XPO5: variants seen among roughly 807,000 people sequenced by gnomAD.
The protein encoded by XPO5 is exportin-5.
In XPO5, 46 loss-of-function variants were observed where a neutral mutation model predicts 160.6. The observed-to-expected ratio is 0.29, with a 90% confidence interval of 0.23 to 0.37. The LOEUF (loss-of-function observed/expected upper bound fraction) is 0.37, where lower values mean the gene tolerates loss of function less well. Among genes scored for constraint, XPO5 ranks in the 10% least tolerant of loss-of-function variants. The pLI, the probability that XPO5 is intolerant of heterozygous loss-of-function variation, is 1.00. For missense variants in XPO5, 1,090 were observed against 1,463.9 expected, an observed-to-expected ratio of 0.74 and a Z score of 4.17; for synonymous variants, 537 against 519.3, an observed-to-expected ratio of 1.03 and a Z score of -0.46.
intron 5 of XPO5, among the ~76,000 whole-genome samples, chr6:43,569,368 A>C (rs1762872581): frequency 6.6e-6 from 1 of 152,110 alleles, no homozygotes; most frequent in South Asian, 2.1e-4. Context: ...TATTCAGTGA[A>C]TATACAAATA....
intron 20 of XPO5, among the ~76,000 whole-genome samples, chr6:43,545,553 A>G (rs996668655): frequency 6.6e-6 from 1 of 152,048 alleles, no homozygotes; most frequent in African/African-American, 2.4e-5. Context: ...CTAAAAATAC[A>G]AAAATTAGCC....
intron 8 of XPO5, among the ~76,000 whole-genome samples, chr6:43,565,348 C>G (rs1352684069): frequency 6.6e-6 from 1 of 151,920 alleles, no homozygotes; most frequent in Non-Finnish European, 1.5e-5. Context: ...AGGTAGACCA[C>G]CTGAGGTCAA....
intron 20 of XPO5, chr6:43,544,399 T>C (rs1316477822): frequency 6.6e-6 from 1 of 152,216 alleles, no homozygotes; most frequent in Non-Finnish European, 1.5e-5. Context: ...TGACTAGAAA[T>C]TGAAAAGAGA....
chr6:43,530,801 C>G lies in XPO5; in HGVS notation c.2564G>C (p.Gly855Ala). Residue 855 changes from glycine (G) to alanine (A), a missense_variant, in exon 23 of 32, where the codon GGC becomes GCC. Gly to Ala is a moderately conservative substitution (Grantham distance 60). Transcript: ENST00000265351. ...ENCFHILGKAGPSMQQDFYTV... is the reference protein window; with the variant it reads ...ENCFHILGKAAPSMQQDFYTV... The stretch of plus-strand genomic sequence containing the variant: ...ATAGAAGTCTTGCTGCATGGAAGGG[C>G]CTGCCTTCCCTAGGATATGAAAACT... 1 of 1,611,794 alleles carries G rather than the reference C, an allele frequency of 6.2e-7. No homozygotes were observed. Among genetic ancestry groups the G allele is most frequent in the Admixed American group, 1.7e-5 (1 of 59,478 alleles).
chr6:43,557,745 G>C (rs1182507443), intron 12 of XPO5, among the ~76,000 whole-genome samples: 3 of 136,930 alleles, frequency 2.2e-5, no homozygotes, highest in African/African-American at 8.1e-5. Context: ...GTATGTGGGT[G>C]AACTGTATGG....
intron 10 of XPO5, 116 bp downstream of exon 10, chr6:43,560,808 C>T: frequency 1.2e-6 from 1 of 866,790 alleles, no homozygotes. Context: ...TACGGTCATT[C>T]CCCAAGGCCT....
intron 6 of XPO5, 73 bp from the exon 7 acceptor site, chr6:43,567,427 C>T (rs1762752717): frequency 1.5e-6 from 2 of 1,329,178 alleles, no homozygotes; most frequent in Non-Finnish European, 2.0e-6. Flanking sequence ...TATAACTGAA[C>T]TCCCATTTTC....
chr6:43,545,913 C>G (rs1034260900), intron 20 of XPO5, among the ~76,000 whole-genome samples: 5 of 152,016 alleles, frequency 3.3e-5, no homozygotes, highest in African/African-American at 1.2e-4. Context: ...AACAGTGATT[C>G]TGAATGTTTA....
intron 13 of XPO5, among the ~76,000 whole-genome samples, chr6:43,554,279 T>TA (rs1761899531): frequency 6.6e-6 from 1 of 151,450 alleles, no homozygotes; most frequent in Admixed American, 6.6e-5. Context: ...CTAATTTTTG[T>TA]ATTTTTTTTT....
chr6:43,570,707 G>C (rs1023246723), intron 4 of XPO5, 23 bp from the exon 5 acceptor site: 1 of 1,561,450 alleles, frequency 6.4e-7, no homozygotes, highest in Admixed American at 2.1e-5. Flanking sequence ...AAATAAGCTA[G>C]TTAAAAACTA....
At chr6:43,566,547 GCCT>G (rs1762705944) in intron 7 of XPO5, 3 of 265,548 alleles carry the variant, frequency 1.1e-5, no homozygotes, top group Non-Finnish European at 2.5e-5. Flanking sequence ...AGTGGCTCAC[GCCT>G]GTAATCCCAG....
At chr6:43,573,169 C>T (rs1329281785) in intron 2 of XPO5, among the ~76,000 whole-genome samples, 3 of 152,112 alleles carry the variant, frequency 2.0e-5, no homozygotes, top group African/African-American at 7.2e-5. Context: ...CTATACATTG[C>T]ATTACTCTAA....
At position 43,524,924 on chromosome 6, in the gene XPO5, GAA is replaced by G; in HGVS notation, c.3217_3218del (p.Phe1073HisfsTer47). ...TLLADAVTWL[F>X]TSVLKGLQMH... is the part of the protein sequence containing the mutation. ...TCTGTAAGCCTTTCAGCACACTGGT[GAA>G]AAGCCACGTAACTGCATCTGCGAGC... On this transcript the variant is annotated frameshift_variant, in exon 30 of 32. Coordinates refer to ENST00000265351, the MANE Select transcript of XPO5 (RefSeq NM_020750.3). LOFTEE classifies it high-confidence loss of function. The G allele has an allele frequency of 6.2e-7, 1 of 1,613,932 alleles. No individual in the cohort carries two copies. Among genetic ancestry groups the G allele is most frequent in the Non-Finnish European group, 8.5e-7 (1 of 1,179,896 alleles).
intron 20 of XPO5, among the ~76,000 whole-genome samples, chr6:43,545,215 T>G (rs886717093): frequency 5.9e-5 from 9 of 152,122 alleles, no homozygotes; most frequent in African/African-American, 2.2e-4. Flanking sequence ...AATGACAACT[T>G]TATCAGACAC....
chr6:43,525,586 G>A, intron 28 of XPO5: 1 of 534,576 alleles, frequency 1.9e-6, no homozygotes, highest in Non-Finnish European at 3.3e-6. Context: ...CTGGCTTGGG[G>A]AGGCTAAACA....
At chr6:43,568,680 G>A (rs1444319616) in intron 6 of XPO5, 31 bp downstream of exon 6, 3 of 1,553,842 alleles carry the variant, frequency 1.9e-6, no homozygotes, top group East Asian at 4.7e-5. Flanking sequence ...AGGTTCAAAG[G>A]TCTCCTTCAA....
At chr6:43,531,637 ACT>A (rs1793987054) in intron 21 of XPO5, 62 bp from the exon 22 acceptor site, 1 of 1,388,854 alleles carries the variant, frequency 7.2e-7, no homozygotes, top group South Asian at 1.2e-5. Context: ...ATTGGCCAAC[ACT>A]CTACAGCAGG....
At chr6:43,571,372 T>C (rs115578820) in intron 3 of XPO5, among the ~76,000 whole-genome samples, 1 of 152,124 alleles carries the variant, frequency 6.6e-6, no homozygotes. Flanking sequence ...GGCAAATGAA[T>C]ATTTTACCAA....
chr6:43,547,771 A>G (rs1220092330), intron 18 of XPO5, 64 bp from the exon 19 acceptor site: 2 of 1,396,632 alleles, frequency 1.4e-6, no homozygotes, highest in Non-Finnish European at 2.0e-6. Context: ...TTTCTTCCAC[A>G]GGAGTTAACA....
Sources: gnomAD v4.1 joint callset for allele counts (sites outside exome capture counted in the v4.1 genomes callset) on GRCh38, gnomAD v4.1.1 for gene constraint, MANE v1.5 for transcripts, NCBI Gene and HGNC (gene_info 2026-07-23, HGNC 2026-07-21) for gene names.